PTPRT: variants seen among roughly 807,000 people sequenced by gnomAD.
PTPRT encodes the protein receptor-type tyrosine-protein phosphatase T.
In PTPRT, 56 loss-of-function variants were observed where a neutral mutation model predicts 176.8. That is an observed-to-expected ratio of 0.32 (90% CI 0.26 to 0.40). The LOEUF is 0.40. Ranked by LOEUF, PTPRT falls within the 10% of genes least tolerant of loss-of-function variation. PTPRT has a pLI of 1.00. For missense variants in PTPRT, 1,540 were observed against 1,908.2 expected (o/e 0.81, Z 3.60); for synonymous variants, 783 against 739.0 (o/e 1.06, Z -0.96).
At chr20:42,645,971 G>T (rs1447841111) in intron 7 of PTPRT, among the ~76,000 whole-genome samples, 2 of 152,102 alleles carry the variant, frequency 1.3e-5, no homozygotes, top group African/African-American at 2.4e-5. Context: ...AAGAATCCAT[G>T]TGAAGCACCT....
rs140731921 is a variant in PTPRT at position 42,222,730 on chromosome 20, C to T, written c.2342+13499G>A. ...CCCCCAAACCCCACCCTATGTGTCT[C>T]TTCATCAGTATTATTTGTAATATGC... is the stretch of plus-strand genomic sequence containing the variant. On this transcript the variant is annotated intron_variant, in intron 15 of 30. Coordinates refer to ENST00000373187, the MANE Select transcript of PTPRT (RefSeq NM_007050.6). Among the ~76,000 whole-genome samples, 726 of 152,308 alleles carry T rather than the reference C, an allele frequency of 4.8e-3. 8 individuals carry two copies. The highest frequency in any genetic ancestry group is 0.017 in the African/African-American group (688 of 41,546).
intron 12 of PTPRT, among the ~76,000 whole-genome samples, chr20:42,282,831 C>T (rs2057162826): frequency 6.6e-6 from 1 of 152,042 alleles, no homozygotes; most frequent in Non-Finnish European, 1.5e-5. Flanking sequence ...CACTCATCAT[C>T]TTTAACAATA....
At chr20:42,150,741 C>T (rs1989089913) in intron 17 of PTPRT, among the ~76,000 whole-genome samples, 1 of 152,066 alleles carries the variant, frequency 6.6e-6, no homozygotes, top group South Asian at 2.1e-4. Context: ...AGTAATACAT[C>T]CTGAAGGTTA....
intron 1 of PTPRT, among the ~76,000 whole-genome samples, chr20:43,049,333 A>C (rs1013958927): frequency 6.9e-6 from 1 of 144,308 alleles, no homozygotes; most frequent in South Asian, 2.1e-4. Context: ...TAAAACATAC[A>C]TACATACATA....
At chr20:42,362,708 C>T (rs542226964) in intron 9 of PTPRT, among the ~76,000 whole-genome samples, 12 of 152,224 alleles carry the variant, frequency 7.9e-5, no homozygotes, top group African/African-American at 2.9e-4. Context: ...CAGTCACTAT[C>T]CTGTGGTTAT....
At chr20:43,153,339 TGAA>T (rs769889554) in intron 1 of PTPRT, among the ~76,000 whole-genome samples, 1 of 151,906 alleles carries the variant, frequency 6.6e-6, no homozygotes, top group Non-Finnish European at 1.5e-5. Context: ...TTGCATGAGG[TGAA>T]GTGGAAAAGC....
intron 1 of PTPRT, among the ~76,000 whole-genome samples, chr20:42,886,779 G>T (rs1467265442): frequency 6.6e-6 from 1 of 152,216 alleles, no homozygotes. Context: ...GTACAATGGA[G>T]GCTCCAACTA....
intron 8 of PTPRT, among the ~76,000 whole-genome samples, chr20:42,467,051 CAACAGGGAGACCAAA>C (rs1349601403): frequency 1.2e-4 from 19 of 152,082 alleles, no homozygotes; most frequent in African/African-American, 4.6e-4. Flanking sequence ...ATCTATGAAT[CAACAGGGAGACCAAA>C]AACAGGGAGG....
chr20:42,629,168 T>C (rs2145882159), intron 7 of PTPRT, among the ~76,000 whole-genome samples: 1 of 151,352 alleles, frequency 6.6e-6, no homozygotes, highest in African/African-American at 2.4e-5. Flanking sequence ...TCTTCATTTG[T>C]AAGAAAAGCC....
intron 23 of PTPRT, 123 bp downstream of exon 23, chr20:42,110,210 C>G: frequency 2.2e-6 from 2 of 892,492 alleles, no homozygotes; most frequent in Non-Finnish European, 3.2e-6. Context: ...CCATGACCAG[C>G]TAAGTTTTTG....
At chr20:43,043,602 G>T (rs184441919) in intron 1 of PTPRT, among the ~76,000 whole-genome samples, 2 of 152,100 alleles carry the variant, frequency 1.3e-5, no homozygotes, top group African/African-American at 4.8e-5. Flanking sequence ...AGCCAACCCC[G>T]CCTTGAGCCT....
intron 14 of PTPRT, among the ~76,000 whole-genome samples, chr20:42,247,617 G>T (rs948979254): frequency 1.3e-5 from 2 of 152,164 alleles, no homozygotes; most frequent in Non-Finnish European, 2.9e-5. Flanking sequence ...CTGAGGTGTT[G>T]GTTTGGTTAA....
At chr20:43,031,793 G>C (rs542974487) in intron 1 of PTPRT, among the ~76,000 whole-genome samples, 47 of 152,302 alleles carry the variant, frequency 3.1e-4, no homozygotes, top group Admixed American at 7.2e-4. Context: ...GACTGTCTCT[G>C]AAGAGGAAGA....
the PTPRT span, among the ~76,000 whole-genome samples, chr20:42,037,150 C>G: frequency 6.6e-6 from 1 of 152,214 alleles, no homozygotes; most frequent in African/African-American, 2.4e-5. Context: ...CTTGGAATCT[C>G]CAAGTAAACT....
chr20:42,573,513 T>G (rs983545916), intron 7 of PTPRT, among the ~76,000 whole-genome samples: 4 of 152,224 alleles, frequency 2.6e-5, no homozygotes, highest in Non-Finnish European at 5.9e-5. Flanking sequence ...GGTCTCAGAC[T>G]GGGAGAAATT....
chr20:42,551,824 A>T (rs901292330), intron 7 of PTPRT, among the ~76,000 whole-genome samples: 2 of 152,124 alleles, frequency 1.3e-5, no homozygotes, highest in African/African-American at 2.4e-5. Flanking sequence ...CACATCCTTG[A>T]GTACTTTGTT....
intron 7 of PTPRT, among the ~76,000 whole-genome samples, chr20:42,638,740 CTT>C (rs1400906542): frequency 6.6e-6 from 1 of 152,202 alleles, no homozygotes; most frequent in African/African-American, 2.4e-5. Flanking sequence ...CAAATCTATT[CTT>C]TGTCTAAACA....
At chr20:42,614,529 C>G (rs183460051) in intron 7 of PTPRT, among the ~76,000 whole-genome samples, 1 of 146,840 alleles carries the variant, frequency 6.8e-6, no homozygotes, top group East Asian at 1.9e-4. Flanking sequence ...CGAGCTAACA[C>G]TCCTTTGTCA....
At chr20:42,204,106 G>A (rs937529592) in intron 15 of PTPRT, among the ~76,000 whole-genome samples, 10 of 152,162 alleles carry the variant, frequency 6.6e-5, no homozygotes, top group African/African-American at 1.7e-4. Context: ...AAGTAGATAC[G>A]TGCAAAGAAA....
Sources: gnomAD v4.1 joint callset for allele counts (sites outside exome capture counted in the v4.1 genomes callset) on GRCh38, gnomAD v4.1.1 for gene constraint, MANE v1.5 for transcripts, NCBI Gene and HGNC (gene_info 2026-07-23, HGNC 2026-07-21) for gene names.